Variants in ULK1 observed in about 807,000 individuals in gnomAD.
ULK1 encodes unc-51 like autophagy activating kinase 1, also known as serine/threonine-protein kinase ULK1.
A neutral mutation model predicts 117.5 loss-of-function variants in ULK1; 48 were observed. That is an observed-to-expected ratio of 0.41 (90% confidence interval 0.32 to 0.52). The LOEUF is 0.52. ULK1 is among the 20% of genes least tolerant of loss of function. The pLI, the probability that ULK1 is intolerant of heterozygous loss-of-function variation, is 0.29. For synonymous variants in ULK1, 790 were observed against 637.8 expected (o/e 1.24, Z -3.60); for missense variants, 1,387 against 1,473.4 (o/e 0.94, Z 0.96).
At chr12:131,906,151 T>C (rs1889265421) in intron 3 of ULK1, among the ~76,000 whole-genome samples, 1 of 152,070 alleles carries the variant, frequency 6.6e-6, no homozygotes, top group Non-Finnish European at 1.5e-5. Context: ...TGGAGTGCAG[T>C]GGCACAGTCT....
At chr12:131,900,608 G>A (rs1889047045) in intron 3 of ULK1, among the ~76,000 whole-genome samples, 1 of 152,054 alleles carries the variant, frequency 6.6e-6, no homozygotes. Flanking sequence ...TGGGAGGAGG[G>A]CTGATGGCTA....
At position 131,895,642 on chromosome 12, in the gene ULK1, G is replaced by A. The variant is rs759041882; in HGVS notation, c.153G>A (p.Lys51=). The change falls in exon 2 of 28, where the codon AAG becomes AAA. Residue 51 remains lysine, a synonymous_variant. Coordinates refer to ENST00000321867, the MANE Select transcript of ULK1 (RefSeq NM_003565.4). ...LEVAVKCINK[K]NLAKSQTLLG... is the part of the protein sequence containing the mutation. ...TCGCCGTCAAGTGCATTAACAAGAAGAACCTCGCCAAGTCTCAGACGCTGC... is the reference window on the plus strand; with the variant it reads ...TCGCCGTCAAGTGCATTAACAAGAAAAACCTCGCCAAGTCTCAGACGCTGC... The A allele has an allele frequency of 2.5e-6, 4 of 1,613,982 alleles. No homozygotes were observed. Among genetic ancestry groups the A allele is most frequent in the Non-Finnish European group, 3.4e-6 (4 of 1,180,000 alleles).
At chr12:131,919,846 C>T in intron 25 of ULK1, 133 bp from the exon 26 acceptor site, 6 of 1,369,958 alleles carry the variant, frequency 4.4e-6, no homozygotes, top group Non-Finnish European at 5.9e-6. Flanking sequence ...GCCACACCCT[C>T]AAGGCCACGG....
At position 131,919,491 on chromosome 12, in the gene ULK1, C is replaced by G. The variant is rs1890050830; in HGVS notation, c.2704C>G (p.Leu902Val). The stretch of plus-strand genomic sequence containing the variant: ...CCCCAGCTTCGCGGAACAGCTGGTG[C>G]TGTACCTGAAGGTGGCCGAGCTACT... Reference protein sequence around the residue: ...REWGFAEQLVLYLKVAELLSS... With the variant: ...REWGFAEQLVVYLKVAELLSS... The change falls in exon 25 of 28, where the codon CTG becomes GTG. Residue 902 changes from leucine (L) to valine (V), a missense_variant. By Grantham distance (32) the Leu-to-Val change is conservative (BLOSUM62 1). Coordinates refer to ENST00000321867, the MANE Select transcript of ULK1 (RefSeq NM_003565.4). 6.2e-7 allele frequency: 1 copy of G among 1,611,620 alleles called. No homozygotes were observed. Among genetic ancestry groups the G allele is most frequent in the African/African-American group, 1.3e-5 (1 of 74,916 alleles).
chr12:131,920,237 T>C (rs1593278280), intron 26 of ULK1, 101 bp downstream of exon 26: 21 of 1,441,004 alleles, frequency 1.5e-5, no homozygotes, highest in Non-Finnish European at 2.0e-5. Flanking sequence ...GGTGAGACTT[T>C]GGGGGGTGTC....
rs200094894 is a variant in ULK1, at chr12:131,913,728, C to T, written c.1158-19C>T. ...AAAAAAAACAAAAAAATGCCCTTGGCCTCCCTTCTGCCCCACAGGAGCTCA... is the reference window on the plus strand; with the variant it reads ...AAAAAAAACAAAAAAATGCCCTTGGTCTCCCTTCTGCCCCACAGGAGCTCA... On this transcript the variant is annotated intron_variant, in intron 14 of 27. Transcript: ENST00000321867. 2 of 1,478,020 alleles carry T rather than the reference C, an allele frequency of 1.4e-6. No homozygotes were observed. Among genetic ancestry groups the T allele is most frequent in the Admixed American group, 2.5e-5 (1 of 39,818 alleles). The allele number at this position is 1,478,020 out of a possible 1,614,324, so 91.6% of individuals were successfully genotyped here. A position where few individuals can be genotyped will look rare whatever the true frequency, so the allele number is the denominator to read the frequency against.
chr12:131,895,439 C>T (rs1156801687), intron 1 of ULK1, among the ~76,000 whole-genome samples, 162 bp from the exon 2 acceptor site: 1 of 151,950 alleles, frequency 6.6e-6, no homozygotes, highest in Non-Finnish European at 1.5e-5. Flanking sequence ...GGATCCCTAC[C>T]CCAGGACCCC....
intron 3 of ULK1, among the ~76,000 whole-genome samples, chr12:131,905,117 G>T (rs754960663): frequency 2.0e-5 from 3 of 152,238 alleles, no homozygotes; most frequent in Non-Finnish European, 4.4e-5. Context: ...GGGTTTCTGG[G>T]TCTCCCTCTG....
In ULK1 at chr12:131,906,334, C is replaced by A. The variant is rs1311202385; in HGVS notation, c.247-558C>A. ...TCGAACTGCTGACCTCATGATCCAC[C>A]CGCCTTGGCCTCCCAAAGTGTTGGG... On this transcript the variant is annotated intron_variant, in intron 3 of 27. Transcript: ENST00000321867. 2.0e-5 allele frequency among the ~76,000 whole-genome samples: 3 copies of A among 152,164 alleles called. No homozygotes were observed. The East Asian group carries it at 5.8e-4, about 29-fold the overall frequency.
At position 131,911,924 on chromosome 12, in the gene ULK1, C is replaced by T. The variant is rs774237862; in HGVS notation, c.949-18C>T. 5.0e-6 allele frequency: 8 copies of T among 1,612,486 alleles called. No homozygotes were observed. Among genetic ancestry groups the T allele is most frequent in the Non-Finnish European group, 6.8e-6 (8 of 1,179,884 alleles). On this transcript the variant is annotated intron_variant, in intron 12 of 27. Coordinates refer to ENST00000321867, the MANE Select transcript of ULK1 (RefSeq NM_003565.4). Reference sequence around the variant, plus strand: ...AGGTCCCTGAGACCTGCTCACCAGCCCCTCCGTTGACTCTCAGTCCCTGGG... The same window carrying T: ...AGGTCCCTGAGACCTGCTCACCAGCTCCTCCGTTGACTCTCAGTCCCTGGG...
At chr12:131,916,365 G>A (rs201878576) in intron 19 of ULK1, 33 bp from the exon 20 acceptor site, 16 of 1,534,526 alleles carry the variant, frequency 1.0e-5, no homozygotes, top group South Asian at 5.0e-5. Context: ...GCAGACCTGC[G>A]GGGCAGTCTT....
In ULK1 at chr12:131,915,874, G is replaced by C; in HGVS notation, c.1610-17G>C. On this transcript the variant is annotated splice_polypyrimidine_tract_variant and intron_variant, in intron 18 of 27. Coordinates refer to ENST00000321867, the MANE Select transcript of ULK1 (RefSeq NM_003565.4). ...CCGCCGGACCGGAAGGTCGTGACGA[G>C]GCGTGTCTCTCTCTAGGCTCCTCTG... 5 of 1,607,516 alleles carry C rather than the reference G, an allele frequency of 3.1e-6. No homozygotes were observed. Among genetic ancestry groups the C allele is most frequent in the Non-Finnish European group, 4.2e-6 (5 of 1,179,630 alleles).
In ULK1 at chr12:131,917,211, ATGGG is replaced by A; in HGVS notation, c.2182+150_2182+153del. ...TCGGGTGGGGCTTGGAGGCTGTGGG[ATGGG>A]GCTCGAGGCTGTGGGACGGGGGTCG... On this transcript the variant is annotated intron_variant, in intron 21 of 27. Coordinates refer to ENST00000321867, the MANE Select transcript of ULK1 (RefSeq NM_003565.4). 3.0e-5 allele frequency: 5 copies of A among 166,084 alleles called. 2 individuals are homozygous for A. The African/African-American group carries it at 1.6e-3, about 54-fold the overall frequency. The allele number at this position is 166,084 out of a possible 1,614,324, so 10.3% of individuals were successfully genotyped here.
At chr12:131,912,309 C>T (rs888932493) in intron 13 of ULK1, among the ~76,000 whole-genome samples, 1 of 152,196 alleles carries the variant, frequency 6.6e-6, no homozygotes, top group African/African-American at 2.4e-5. Context: ...AGTAGGAGGT[C>T]GGAGGCCATA....
rs924906825 is a variant in ULK1 at position 131,922,265 on chromosome 12, G to A, written c.*904G>A. The A allele has an allele frequency of 1.4e-5, 5 of 350,610 alleles. No individual in the cohort carries two copies. The highest frequency in any genetic ancestry group is 7.7e-5 in the Admixed American group (2 of 25,982). The allele number at this position is 350,610 out of a possible 1,614,324, so 21.7% of individuals were successfully genotyped here. A position where few individuals can be genotyped will look rare whatever the true frequency, so the allele number is the denominator to read the frequency against. On this transcript the variant is annotated 3_prime_UTR_variant, in exon 28 of 28. Transcript: ENST00000321867. ...GGTTAGAGGCAGATGGCACAGGGGC[G>A]TGTGGCGGGCGGGTGAGGCTGCTTT... is the stretch of plus-strand genomic sequence containing the variant.
chr12:131,916,222 A>AAATTT, intron 19 of ULK1, 63 bp downstream of exon 19: 1 of 1,571,696 alleles, frequency 6.4e-7, no homozygotes, highest in Non-Finnish European at 8.6e-7. Flanking sequence ...GGGAATGGCC[A>AAATTT]GTCCTGAACA....
chr12:131,918,660 C>A lies in ULK1; in HGVS notation c.2490C>A (p.Leu830=). ...CTGTGACCTTCGAGGCCCCCGACCT[C>A]CCTGAGGAGACCCTCATGGAGGTGA... ...EGAVTFEAPD[L]PEETLMEQEH... Residue 830 remains leucine, a synonymous_variant, in exon 23 of 28, where the codon CTC becomes CTA. Transcript: ENST00000321867. The A allele has an allele frequency of 2.5e-6, 4 of 1,601,928 alleles. No individual in the cohort carries two copies. Among genetic ancestry groups the A allele is most frequent in the Non-Finnish European group, 3.4e-6 (4 of 1,174,916 alleles).
At chr12:131,913,647 G>C in intron 14 of ULK1, 100 bp from the exon 15 acceptor site, 1 of 808,124 alleles carries the variant, frequency 1.2e-6, no homozygotes, top group Non-Finnish European at 1.8e-6. Context: ...AGAGGTTGCA[G>C]TGAGCCGAGA....
chr12:131,896,345 C>T (rs1353757900), intron 3 of ULK1, among the ~76,000 whole-genome samples: 1 of 152,142 alleles, frequency 6.6e-6, no homozygotes, highest in Non-Finnish European at 1.5e-5. Context: ...CCCGGCTGGC[C>T]CCAAGAAGCA....
Sources: allele counts gnomAD v4.1 joint callset (sites outside exome capture counted in the v4.1 genomes callset), GRCh38; gene constraint gnomAD v4.1.1; transcripts MANE v1.5; gene names NCBI Gene and HGNC (gene_info 2026-07-23, HGNC 2026-07-21).